Variants in PTPRD observed in about 807,000 individuals in gnomAD.
PTPRD encodes protein tyrosine phosphatase receptor type D, also known as receptor-type tyrosine-protein phosphatase delta.
A neutral mutation model predicts 214.5 loss-of-function variants in PTPRD; 34 were observed. The observed-to-expected ratio is 0.16, with a 90% confidence interval of 0.12 to 0.21. PTPRD has a LOEUF of 0.21. Among genes scored for constraint, PTPRD ranks in the 10% least tolerant of loss-of-function variants. PTPRD has a pLI of 1.00. For missense variants in PTPRD, 2,545 were observed against 2,398.7 expected (o/e 1.06, Z -1.27); for synonymous variants, 1,128 against 845.7 (o/e 1.33, Z -5.79).
chr9:10,093,045 A>T (rs2098448318), intron 3 of PTPRD, among the ~76,000 whole-genome samples: 2 of 151,738 alleles, frequency 1.3e-5, no homozygotes, highest in African/African-American at 4.8e-5. Context: ...GGCTTTGGCA[A>T]ATAATTTATG....
chr9:8,727,957 C>T lies in PTPRD; in HGVS notation c.64+5823G>A, dbSNP rs370939667. Among the ~76,000 whole-genome samples the T allele has an allele frequency of 6.6e-5, 10 of 152,274 alleles. No homozygotes were observed. The South Asian group carries it at 1.0e-3, about 16-fold the overall frequency. ...CCAACACTCTAATCTAACTTAAGAA[C>T]ATTTTTGAGGCCAGGCGCAGTGGCT... On this transcript the variant is annotated intron_variant, in intron 12 of 45. Coordinates refer to ENST00000381196, the MANE Select transcript of PTPRD (RefSeq NM_002839.4).
intron 7 of PTPRD, among the ~76,000 whole-genome samples, chr9:9,604,399 C>T (rs572174825): frequency 2.0e-5 from 3 of 151,950 alleles, no homozygotes; most frequent in African/African-American, 7.3e-5. Flanking sequence ...CCTTTGTAAT[C>T]TAAATAATTT....
At chr9:9,976,859 A>T (rs1273459674) in intron 4 of PTPRD, among the ~76,000 whole-genome samples, 1 of 151,876 alleles carries the variant, frequency 6.6e-6, no homozygotes, top group South Asian at 2.1e-4. Context: ...AACAAGTTAA[A>T]TTTTTAAAAA....
intron 9 of PTPRD, among the ~76,000 whole-genome samples, chr9:9,387,016 G>A (rs1439357783): frequency 6.6e-6 from 1 of 152,118 alleles, no homozygotes; most frequent in East Asian, 1.9e-4. Context: ...CTTATTTAAC[G>A]CTCAGAGGGA....
At chr9:10,595,298 A>G (rs1299481277) in intron 2 of PTPRD, among the ~76,000 whole-genome samples, 1 of 151,936 alleles carries the variant, frequency 6.6e-6, no homozygotes, top group Non-Finnish European at 1.5e-5. Flanking sequence ...TTAAAAATAA[A>G]AAGAGATGAA....
chr9:10,107,565 T>C (rs554689549), intron 3 of PTPRD, among the ~76,000 whole-genome samples: 33 of 152,232 alleles, frequency 2.2e-4, no homozygotes, highest in Middle Eastern at 6.8e-3. Context: ...TGAATGATGA[T>C]GCTAAGTACA....
At chr9:10,169,076 G>A (rs79954263) in intron 3 of PTPRD, among the ~76,000 whole-genome samples, 2 of 152,138 alleles carry the variant, frequency 1.3e-5, no homozygotes, top group Non-Finnish European at 2.9e-5. Context: ...TCAGAATGGA[G>A]AGATAATCCT....
At chr9:9,391,311 A>T (rs1001798371) in intron 9 of PTPRD, among the ~76,000 whole-genome samples, 1 of 152,190 alleles carries the variant, frequency 6.6e-6, no homozygotes, top group Non-Finnish European at 1.5e-5. Flanking sequence ...TGATATTGAT[A>T]AACAAGGAGA....
At chr9:8,478,160 C>T (rs569440166) in intron 30 of PTPRD, among the ~76,000 whole-genome samples, 6 of 152,300 alleles carry the variant, frequency 3.9e-5, no homozygotes, top group African/African-American at 7.2e-5. Context: ...AGAATACCTA[C>T]CTCACAGGGT....
chr9:8,376,463 T>C, intron 38 of PTPRD, 144 bp downstream of exon 38: 1 of 1,209,174 alleles, frequency 8.3e-7, no homozygotes, highest in Non-Finnish European at 1.2e-6. Context: ...AATGGCTGAG[T>C]GATAATGGAA....
At chr9:9,532,443 G>T (rs989475639) in intron 8 of PTPRD, among the ~76,000 whole-genome samples, 1 of 152,132 alleles carries the variant, frequency 6.6e-6, no homozygotes, top group Non-Finnish European at 1.5e-5. Flanking sequence ...TTTGGAACTG[G>T]ACTTTCTGCA....
intron 12 of PTPRD, among the ~76,000 whole-genome samples, chr9:8,663,464 T>C (rs948393423): frequency 1.3e-5 from 2 of 151,886 alleles, no homozygotes; most frequent in Admixed American, 1.3e-4. Flanking sequence ...ATAGCTGTGA[T>C]TGAGGATTTT....
intron 3 of PTPRD, among the ~76,000 whole-genome samples, chr9:10,158,287 C>G (rs971572134): frequency 6.6e-6 from 1 of 152,232 alleles, no homozygotes; most frequent in African/African-American, 2.4e-5. Context: ...GGGTTACAGG[C>G]GTGAGCCACT....
intron 8 of PTPRD, among the ~76,000 whole-genome samples, chr9:9,467,946 G>C (rs2146309629): frequency 6.6e-6 from 1 of 152,138 alleles, no homozygotes; most frequent in East Asian, 1.9e-4. Flanking sequence ...AGACAGGTTA[G>C]CCTACACATT....
intron 8 of PTPRD, among the ~76,000 whole-genome samples, chr9:9,476,733 T>C (rs1162757054): frequency 6.6e-6 from 1 of 152,090 alleles, no homozygotes; most frequent in Non-Finnish European, 1.5e-5. Context: ...CTGATTTTTA[T>C]TTTTTATTTT....
intron 12 of PTPRD, among the ~76,000 whole-genome samples, chr9:8,688,640 G>T (rs10124836): frequency 0.44 from 66,376 of 151,426 alleles, 19,622 homozygotes; most frequent in African/African-American, 0.84. Context: ...AGAAAGTTAT[G>T]TAAGAAGAAA....
chr9:9,980,625 AAAAAAAAAAC>A (rs1325404041), intron 4 of PTPRD, among the ~76,000 whole-genome samples: 1,403 of 117,790 alleles, frequency 0.012, 262 homozygotes, highest in African/African-American at 0.019. Flanking sequence ...AAACAAAAAA[AAAAAAAAAAC>A]AAAAAAAAAA....
chr9:8,658,407 G>T (rs1005664057), intron 12 of PTPRD, among the ~76,000 whole-genome samples: 1 of 152,078 alleles, frequency 6.6e-6, no homozygotes, highest in African/African-American at 2.4e-5. Context: ...AAATTGTTCT[G>T]ACCTTTCCCA....
At chr9:10,364,743 T>G (rs1302852708) in intron 2 of PTPRD, among the ~76,000 whole-genome samples, 3 of 152,132 alleles carry the variant, frequency 2.0e-5, no homozygotes, top group African/African-American at 7.2e-5. Context: ...CTCCATCATA[T>G]CCCCTGGGTT....
Sources: allele counts gnomAD v4.1 joint callset (sites outside exome capture counted in the v4.1 genomes callset), GRCh38; gene constraint gnomAD v4.1.1; transcripts MANE v1.5; gene names NCBI Gene and HGNC (gene_info 2026-07-23, HGNC 2026-07-21).